Variants in TTC7A observed in about 807,000 individuals in gnomAD.
TTC7A encodes tetratricopeptide repeat protein 7A.
A neutral mutation model predicts 103.7 loss-of-function variants in TTC7A; 110 were observed. That is an observed-to-expected ratio of 1.06 (90% confidence interval 0.91 to 1.24). The LOEUF is 1.24. Ranked by LOEUF, TTC7A falls within the 50% of genes most tolerant of loss-of-function variation. The pLI, the probability that TTC7A is intolerant of heterozygous loss-of-function variation, is 0.00. For missense variants in TTC7A, 1,340 were observed against 1,116.3 expected (o/e 1.20, Z -2.86); for synonymous variants, 521 against 467.9 (o/e 1.11, Z -1.47).
intron 8 of TTC7A, 25 bp downstream of exon 8, chr2:46,995,224 G>A (rs1250682383): frequency 6.2e-7 from 1 of 1,612,658 alleles, no homozygotes; most frequent in East Asian, 2.2e-5. Flanking sequence ...GTCCTTCAGG[G>A]GCCTCTGGCC....
rs202030720 is a variant in TTC7A at position 46,995,124 on chromosome 2, G to C, written c.1002-12G>C. The C allele has an allele frequency of 6.2e-7, 1 of 1,614,016 alleles. No homozygotes were observed. The highest frequency in any genetic ancestry group is 8.5e-7 in the Non-Finnish European group (1 of 1,179,936). ...GTGTGCTCTAGCCAGGCCTGTCATT[G>C]GTGTCTTTCAGCCTCTACTGCCCCA... On this transcript the variant is annotated splice_polypyrimidine_tract_variant and intron_variant, in intron 7 of 19. Coordinates refer to ENST00000319190, the MANE Select transcript of TTC7A (RefSeq NM_020458.4).
chr2:46,997,309 A>G (rs1254934366), intron 8 of TTC7A, among the ~76,000 whole-genome samples: 2 of 152,092 alleles, frequency 1.3e-5, no homozygotes, highest in Non-Finnish European at 2.9e-5. Flanking sequence ...GCCTTTGTGT[A>G]CTGAGGCTTC....
At chr2:46,970,633 C>T (rs957647059) in intron 3 of TTC7A, among the ~76,000 whole-genome samples, 1 of 152,260 alleles carries the variant, frequency 6.6e-6, no homozygotes, top group East Asian at 1.9e-4. Context: ...TGCAGTTGGT[C>T]TCCTGGGCCA....
chr2:46,950,626 GTCTC>G, intron 2 of TTC7A, 100 bp downstream of exon 2: 1 of 1,337,414 alleles, frequency 7.5e-7, no homozygotes, highest in Non-Finnish European at 1.0e-6. Context: ...TGAGCAACAA[GTCTC>G]TCTTACAAGC....
chr2:46,928,567 C>T (rs568721350), intron 2 of TTC7A, among the ~76,000 whole-genome samples: 3 of 151,010 alleles, frequency 2.0e-5, no homozygotes, highest in East Asian at 3.9e-4. Context: ...CTCAGGAGTT[C>T]GAGACCAACC....
intron 19 of TTC7A, chr2:47,065,654 C>A (rs1684125192): frequency 6.6e-6 from 1 of 152,214 alleles, no homozygotes; most frequent in South Asian, 2.1e-4. Context: ...CAGTTGCCTT[C>A]AGCTCAAAAC....
intron 19 of TTC7A, among the ~76,000 whole-genome samples, chr2:47,068,890 A>G (rs1452839124): frequency 8.5e-6 from 1 of 117,378 alleles, no homozygotes; most frequent in African/African-American, 3.0e-5. Context: ...AAAAAAAAGA[A>G]AGACTCACCC....
chr2:47,053,563 G>GTTGT (rs1246248615), intron 18 of TTC7A, among the ~76,000 whole-genome samples: 1 of 150,722 alleles, frequency 6.6e-6, no homozygotes, highest in African/African-American at 2.4e-5. Flanking sequence ...TGGTTGGTTG[G>GTTGT]TTGGTTGGTT....
chr2:46,942,886 G>A (rs1027338936), intron 1 of TTC7A, among the ~76,000 whole-genome samples: 14 of 151,646 alleles, frequency 9.2e-5, no homozygotes, highest in Non-Finnish European at 1.6e-4. Context: ...TTGTCTTTTT[G>A]TTTTTGTTTT....
intron 11 of TTC7A, 115 bp downstream of exon 11, chr2:47,011,550 G>T: frequency 1.2e-6 from 1 of 803,670 alleles, no homozygotes; most frequent in Non-Finnish European, 1.9e-6. Context: ...GAAAGGATGG[G>T]AGCTACCAGG....
chr2:46,939,109 C>G (rs1221755307), upstream of TTC7A, among the ~76,000 whole-genome samples: 1 of 151,888 alleles, frequency 6.6e-6, no homozygotes, highest in Non-Finnish European at 1.5e-5. Flanking sequence ...GATCCCGTCT[C>G]TACAAACAAA....
In TTC7A at chr2:46,995,142, C is replaced by T. The variant is rs587777548; in HGVS notation, c.1008C>T (p.Tyr336=). ...TGTCATTGGTGTCTTTCAGCCTCTA[C>T]TGCCCCAAGGACAACATCGAGGAAG... ...KPHLYEGDNL[Y]CPKDNIEEAL... The change falls in exon 8 of 20, where the codon TAC becomes TAT. Residue 336 remains tyrosine (Y), a synonymous_variant. Coordinates refer to ENST00000319190, the MANE Select transcript of TTC7A (RefSeq NM_020458.4). 3.7e-6 allele frequency: 6 copies of T among 1,614,096 alleles called. No homozygotes were observed. Among genetic ancestry groups the T allele is most frequent in the Middle Eastern group, 1.6e-4 (1 of 6,084 alleles).
intron 8 of TTC7A, among the ~76,000 whole-genome samples, chr2:47,000,484 C>T (rs1421651185): frequency 6.6e-6 from 1 of 152,190 alleles, no homozygotes; most frequent in Non-Finnish European, 1.5e-5. Flanking sequence ...TTTTCTGCTG[C>T]AGGAACCTGA....
intron 11 of TTC7A, among the ~76,000 whole-genome samples, chr2:47,014,113 C>G (rs1388526220): frequency 6.6e-6 from 1 of 152,180 alleles, no homozygotes; most frequent in Non-Finnish European, 1.5e-5. Flanking sequence ...TGGATGGATC[C>G]TTCTTGCCGA....
Position 47,060,827 on chromosome 2 carries a change from G to A in TTC7A, c.2211G>A (p.Ala737=), listed in dbSNP as rs142959785. Residue 737 remains alanine (A), a synonymous_variant, in exon 19 of 20, where the codon GCG becomes GCA. Coordinates refer to ENST00000319190, the MANE Select transcript of TTC7A (RefSeq NM_020458.4). ...LKEAGFCIQE[A]AGLFPTSHSV... ...AAGCAGGTTTCTGCATCCAGGAGGC[G>A]GCGGGCCTCTTCCCCACTTCTCACT... is the stretch of plus-strand genomic sequence containing the variant. 2.0e-3 allele frequency: 3,273 copies of A among 1,613,852 alleles called. 10 individuals are homozygous for A. Among genetic ancestry groups the A allele is most frequent in the Middle Eastern group, 5.8e-3 (35 of 6,062 alleles).
At chr2:46,923,829 T>C (rs572039387) in intron 2 of TTC7A, among the ~76,000 whole-genome samples, 1 of 151,872 alleles carries the variant, frequency 6.6e-6, no homozygotes, top group South Asian at 2.1e-4. Context: ...GCCTCCCAGG[T>C]TCAAGCAAAT....
intron 2 of TTC7A, among the ~76,000 whole-genome samples, chr2:46,925,584 G>A (rs940177024): frequency 8.5e-5 from 13 of 152,068 alleles, no homozygotes; most frequent in Admixed American, 7.2e-4. Flanking sequence ...GTTGACACAT[G>A]CCTGGTCAGA....
intron 15 of TTC7A, among the ~76,000 whole-genome samples, chr2:47,044,743 T>C (rs1401670632): frequency 6.6e-6 from 1 of 152,124 alleles, no homozygotes; most frequent in Non-Finnish European, 1.5e-5. Context: ...GGAAGAAAAA[T>C]ACTTGTCCAG....
At chr2:47,026,218 A>G (rs1459486950) in intron 14 of TTC7A, among the ~76,000 whole-genome samples, 1 of 152,144 alleles carries the variant, frequency 6.6e-6, no homozygotes, top group East Asian at 1.9e-4. Context: ...CCAAGAGTAC[A>G]TCTGGCTGGC....
Sources: gnomAD v4.1 joint callset for allele counts (sites outside exome capture counted in the v4.1 genomes callset) on GRCh38, gnomAD v4.1.1 for gene constraint, MANE v1.5 for transcripts, NCBI Gene and HGNC (gene_info 2026-07-23, HGNC 2026-07-21) for gene names.